Variants in NOG observed in about 807,000 individuals in gnomAD.
NOG encodes the protein noggin.
Under a neutral mutation model 17.9 loss-of-function variants are expected in NOG, and 2 were observed. That is an observed-to-expected ratio of 0.11 (90% CI 0.05 to 0.35). The LOEUF is 0.35. Among genes scored for constraint, NOG ranks in the 10% least tolerant of loss-of-function variants. NOG has a pLI of 1.00. For synonymous variants in NOG, 166 were observed against 148.7 expected, an observed-to-expected ratio of 1.12 and a Z score of -0.85; for missense variants, 266 against 318.6, an observed-to-expected ratio of 0.83 and a Z score of 1.26.
Position 56,594,293 on chromosome 17 carries a change from C to G in NOG, c.70C>G (p.Pro24Ala). ...GGTGGTCCTGGGGCTGCGGGCGACACCGGCCGGCGGCCAGCACTATCTCCA... is the reference window on the plus strand; with the variant it reads ...GGTGGTCCTGGGGCTGCGGGCGACAGCGGCCGGCGGCCAGCACTATCTCCA... The part of the protein sequence containing the change: ...LVVVLGLRAT[P>A]AGGQHYLHIR... Residue 24 changes from proline to alanine, a missense_variant, in exon 1 of 1, where the codon CCG becomes GCG. Transcript: ENST00000332822. 6.2e-7 allele frequency: 1 copy of G among 1,612,480 alleles called. No homozygotes were observed. Among genetic ancestry groups the G allele is most frequent in the Non-Finnish European group, 8.5e-7 (1 of 1,179,640 alleles).
chr17:56,594,372 C>G lies in NOG; in HGVS notation c.149C>G (p.Pro50Arg), dbSNP rs2052467310. ...NLPLVDLIEH[P>R]DPIFDPKEKD... is the part of the protein sequence containing the mutation. ...CCCCTGGTGGACCTCATCGAACACC[C>G]AGACCCTATCTTTGACCCCAAGGAA... is the stretch of plus-strand genomic sequence containing the variant. The change falls in exon 1 of 1, where the codon CCA (proline) becomes CGA (arginine). Residue 50 changes from proline (P) to arginine (R), a missense_variant. Coordinates refer to ENST00000332822, the MANE Select transcript of NOG (RefSeq NM_005450.6). 1 of 1,613,280 alleles carries G rather than the reference C, an allele frequency of 6.2e-7. No homozygotes were observed. The highest frequency in any genetic ancestry group is 1.3e-5 in the African/African-American group (1 of 74,922).
At position 56,594,945 on chromosome 17, in the gene NOG, A is replaced by G; in HGVS notation, c.*23A>G. On this transcript the variant is annotated 3_prime_UTR_variant, in exon 1 of 1. Coordinates refer to ENST00000332822, the MANE Select transcript of NOG (RefSeq NM_005450.6). ...TAGAACTCGGGGGCCCCCTGCCCGC[A>G]CCCGGACACTTGATCGATCCCCACC... 6.5e-7 allele frequency: 1 copy of G among 1,528,424 alleles called. No individual in the cohort carries two copies. The highest frequency in any genetic ancestry group is 8.9e-7 in the Non-Finnish European group (1 of 1,129,244). 94.7% of individuals were successfully genotyped at this position (1,528,424 alleles called of 1,614,324 possible). A position where few individuals can be genotyped will look rare whatever the true frequency, so the allele number is the denominator to read the frequency against.
rs544032242 is a variant in NOG at position 56,594,576 on chromosome 17, G to A, written c.353G>A (p.Ser118Asn). The change falls in exon 1 of 1, where the codon AGC becomes AAC. Residue 118 changes from serine (S) to asparagine (N), a missense_variant. Physicochemically the swap from Ser to Asn is conservative, Grantham distance 46. Transcript: ENST00000332822. ...CAGCGGCCGTCGGGGGCCATGCCGA[G>A]CGAGATCAAAGGGCTAGAGTTCTCC... ...LRQRPSGAMP[S>N]EIKGLEFSEG... 9.4e-6 allele frequency: 15 copies of A among 1,601,858 alleles called. No individual in the cohort carries two copies. Among genetic ancestry groups the A allele is most frequent in the African/African-American group, 9.4e-5 (7 of 74,824 alleles).
chr17:56,594,298 C>G lies in NOG; in HGVS notation c.75C>G (p.Ala25=). The change falls in exon 1 of 1, where the codon GCC becomes GCG. Residue 25 remains alanine (A), a synonymous_variant. Transcript: ENST00000332822. ...TCCTGGGGCTGCGGGCGACACCGGC[C>G]GGCGGCCAGCACTATCTCCACATCC... ...VVVLGLRATP[A]GGQHYLHIRP... The G allele has an allele frequency of 1.2e-6, 2 of 1,612,624 alleles. No homozygotes were observed. Among genetic ancestry groups the G allele is most frequent in the Non-Finnish European group, 1.7e-6 (2 of 1,179,702 alleles).
Position 56,595,057 on chromosome 17 carries a change from T to C in NOG, c.*135T>C, listed in dbSNP as rs913309637. The C allele has an allele frequency of 5.3e-5, 31 of 583,412 alleles. No individual in the cohort carries two copies. Among genetic ancestry groups the C allele is most frequent in the South Asian group, 8.5e-5 (4 of 47,324 alleles). The allele number at this position is 583,412 out of a possible 1,614,324, so 36.1% of individuals were successfully genotyped here. On this transcript the variant is annotated 3_prime_UTR_variant, in exon 1 of 1. Coordinates refer to ENST00000332822, the MANE Select transcript of NOG (RefSeq NM_005450.6). ...TTTTTTTTTTTTTTTTTTTTTTTTT[T>C]CTGGGCTACAGAGACCTAGCTTTCT...
chr17:56,594,989 T>A lies in NOG; in HGVS notation c.*67T>A. 2 of 869,480 alleles carry A rather than the reference T, an allele frequency of 2.3e-6. No homozygotes were observed. The highest frequency in any genetic ancestry group is 1.9e-5 in the African/African-American group (1 of 53,354). 53.9% of individuals were successfully genotyped at this position (869,480 alleles called of 1,614,324 possible). On this transcript the variant is annotated 3_prime_UTR_variant, in exon 1 of 1. Coordinates refer to ENST00000332822, the MANE Select transcript of NOG (RefSeq NM_005450.6). Reference sequence around the variant, plus strand: ...CCCCACCGACGCCCCCTGCACCGCCTCCAACCAGTTCCACCACCCTCTAGC... The same window carrying A: ...CCCCACCGACGCCCCCTGCACCGCCACCAACCAGTTCCACCACCCTCTAGC...
chr17:56,593,721 ACGCCGCCGCCGC>A lies in NOG; in HGVS notation c.-493_-482del, dbSNP rs544678481. 2 of 150,426 alleles carry A rather than the reference ACGCCGCCGCCGC, an allele frequency of 1.3e-5. No homozygotes were observed. The highest frequency in any genetic ancestry group is 3.0e-5 in the African/African-American group (1 of 32,930). The allele number at this position is 150,426 out of a possible 1,614,324, so 9.3% of individuals were successfully genotyped here. A position where few individuals can be genotyped will look rare whatever the true frequency, so the allele number is the denominator to read the frequency against. On this transcript the variant is annotated 5_prime_UTR_variant, in exon 1 of 1. Coordinates refer to ENST00000332822, the MANE Select transcript of NOG (RefSeq NM_005450.6). ...GACAAACCGGTGCCAACGTGCGCGGACGCCGCCGCCGCCGCCGCCGCTGGAGTCCGCCGGGCA... is the reference window on the plus strand; with the variant it reads ...GACAAACCGGTGCCAACGTGCGCGGACGCCGCCGCTGGAGTCCGCCGGGCA...
chr17:56,594,563 G>T lies in NOG; in HGVS notation c.340G>T (p.Gly114Trp). The T allele has an allele frequency of 1.3e-6, 2 of 1,595,420 alleles. No individual in the cohort carries two copies. Among genetic ancestry groups the T allele is most frequent in the East Asian group, 2.3e-5 (1 of 44,144 alleles). The change falls in exon 1 of 1, where the codon GGG becomes TGG. Residue 114 changes from glycine to tryptophan, a missense_variant. Physicochemically the swap from Gly to Trp is radical, Grantham distance 184. Around this residue, in one of 2 missense-constraint regions of NOG, gnomAD observed 192 missense variants for 197.6 expected, o/e 0.97. Coordinates refer to ENST00000332822, the MANE Select transcript of NOG (RefSeq NM_005450.6). ...CCAGCTGCTGCGGCAGCGGCCGTCG[G>T]GGGCCATGCCGAGCGAGATCAAAGG... ...LDQLLRQRPSGAMPSEIKGLE... is the reference protein window; with the variant it reads ...LDQLLRQRPSWAMPSEIKGLE...
rs539891840 is a variant in NOG, at chr17:56,594,475, C to G, written c.252C>G (p.Pro84=). ...YDPGFMATSP[P]EDRPGGGGGA... is the part of the protein sequence containing the mutation. ...CAGGCTTCATGGCCACCTCGCCCCC[C>G]GAGGACCGGCCCGGCGGGGGCGGGG... The change falls in exon 1 of 1, where the codon CCC becomes CCG. Residue 84 remains proline, a synonymous_variant. Transcript: ENST00000332822. 69 of 1,611,786 alleles carry G rather than the reference C, an allele frequency of 4.3e-5. No homozygotes were observed. Among genetic ancestry groups the G allele is most frequent in the Non-Finnish European group, 3.8e-5 (45 of 1,179,226 alleles).
rs528847079 is a variant in NOG at position 56,593,977 on chromosome 17, G to A, written c.-247G>A. The A allele has an allele frequency of 4.2e-5, 18 of 424,732 alleles. No individual in the cohort carries two copies. Among genetic ancestry groups the A allele is most frequent in the Middle Eastern group, 1.2e-3 (2 of 1,658 alleles). 26.3% of individuals were successfully genotyped at this position (424,732 alleles called of 1,614,324 possible). On this transcript the variant is annotated 5_prime_UTR_variant, in exon 1 of 1. Coordinates refer to ENST00000332822, the MANE Select transcript of NOG (RefSeq NM_005450.6). ...CTGGAGTAATTTCGGATGCCCAGCC[G>A]CGGCCGCCTTCCCCAGTAGACCCGG... is the stretch of plus-strand genomic sequence containing the variant.
In NOG at chr17:56,595,423, T is replaced by G. The variant is rs558184389; in HGVS notation, c.*501T>G. 1 of 167,412 alleles carries G rather than the reference T, an allele frequency of 6.0e-6. No homozygotes were observed. The highest frequency in any genetic ancestry group is 2.1e-4 in the South Asian group (1 of 4,826). The allele number at this position is 167,412 out of a possible 1,614,324, so 10.4% of individuals were successfully genotyped here. On this transcript the variant is annotated 3_prime_UTR_variant, in exon 1 of 1. Coordinates refer to ENST00000332822, the MANE Select transcript of NOG (RefSeq NM_005450.6). ...TATTTTCCATTCTTCGGAAAGTGTT[T>G]TGGTTTTCCTTGGACCTCGAAGAAG...
Position 56,594,302 on chromosome 17 carries a change from G to A in NOG, c.79G>A (p.Gly27Ser), listed in dbSNP as rs1173208088. ...VLGLRATPAG[G>S]QHYLHIRPAP... The stretch of plus-strand genomic sequence containing the variant: ...GGGGCTGCGGGCGACACCGGCCGGC[G>A]GCCAGCACTATCTCCACATCCGCCC... The change falls in exon 1 of 1, where the codon GGC becomes AGC. Residue 27 changes from glycine (G) to serine (S), a missense_variant. By Grantham distance (56) the Gly-to-Ser change is moderately conservative (BLOSUM62 0). This residue lies in a region of NOG where 192 missense variants were observed against 197.6 expected (regional missense o/e 0.97). Coordinates refer to ENST00000332822, the MANE Select transcript of NOG (RefSeq NM_005450.6). 2.5e-6 allele frequency: 4 copies of A among 1,612,724 alleles called. No homozygotes were observed. The highest frequency in any genetic ancestry group is 3.4e-6 in the Non-Finnish European group (4 of 1,179,728).
rs2052475405 is a variant in NOG, at chr17:56,595,089, T to C, written c.*167T>C. 5 of 614,602 alleles carry C rather than the reference T, an allele frequency of 8.1e-6. No individual in the cohort carries two copies. Among genetic ancestry groups the C allele is most frequent in the South Asian group, 2.1e-5 (1 of 47,314 alleles). The allele number at this position is 614,602 out of a possible 1,614,324, so 38.1% of individuals were successfully genotyped here. ...TACAGAGACCTAGCTTTCTGGTTCC[T>C]GTAATGCACTGTTTAACTGTGTAGG... is the stretch of plus-strand genomic sequence containing the variant. On this transcript the variant is annotated 3_prime_UTR_variant, in exon 1 of 1. Transcript: ENST00000332822.
chr17:56,595,031 CTTTTTTTT>C lies in NOG; in HGVS notation c.*128_*135del, dbSNP rs71139919. ...CCCTCTAGCGAGGGTTTTCAATGAA[CTTTTTTTT>C]TTTTTTTTTTTTTTTTTTCTGGGCT... On this transcript the variant is annotated 3_prime_UTR_variant, in exon 1 of 1. Coordinates refer to ENST00000332822, the MANE Select transcript of NOG (RefSeq NM_005450.6). The C allele has an allele frequency of 3.1e-4, 113 of 365,044 alleles. No homozygotes were observed. The highest frequency in any genetic ancestry group is 3.0e-3 in the Admixed American group (46 of 15,150). 22.6% of individuals were successfully genotyped at this position (365,044 alleles called of 1,614,324 possible). A position where few individuals can be genotyped will look rare whatever the true frequency, so the allele number is the denominator to read the frequency against.
At position 56,594,450 on chromosome 17, in the gene NOG, C is replaced by T. The variant is rs776472075; in HGVS notation, c.227C>T (p.Pro76Leu). ...LRSLLGGHYD[P>L]GFMATSPPED... ...TCGCTGCTCGGGGGCCACTACGACC[C>T]AGGCTTCATGGCCACCTCGCCCCCC... The change falls in exon 1 of 1, where the codon CCA becomes CTA. Residue 76 changes from proline to leucine, a missense_variant. Pro to Leu is a moderately conservative substitution (Grantham distance 98). This residue lies in a region of NOG where 192 missense variants were observed against 197.6 expected (regional missense o/e 0.97). Coordinates refer to ENST00000332822, the MANE Select transcript of NOG (RefSeq NM_005450.6). 7.4e-6 allele frequency: 12 copies of T among 1,612,824 alleles called. No individual in the cohort carries two copies. Among genetic ancestry groups the T allele is most frequent in the Non-Finnish European group, 9.3e-6 (11 of 1,179,750 alleles).
Position 56,594,841 on chromosome 17 carries a change from C to T in NOG, c.618C>T (p.Arg206=), listed in dbSNP as rs370397639. Residue 206 remains arginine (R), a synonymous_variant, in exon 1 of 1, where the codon CGC becomes CGT. Coordinates refer to ENST00000332822, the MANE Select transcript of NOG (RefSeq NM_005450.6). Reference sequence around the variant, plus strand: ...TGCACCTCACGGTGCTGCGGTGGCGCTGTCAGCGGCGCGGGGGCCAGCGCT... The same window carrying T: ...TGCACCTCACGGTGCTGCGGTGGCGTTGTCAGCGGCGCGGGGGCCAGCGCT... ...KSVHLTVLRW[R]CQRRGGQRCG... 2.4e-5 allele frequency: 38 copies of T among 1,610,606 alleles called. No homozygotes were observed. The highest frequency in any genetic ancestry group is 2.0e-4 in the African/African-American group (15 of 74,822).
Position 56,594,558 on chromosome 17 carries a change from C to G in NOG, c.335C>G (p.Pro112Arg). 1.3e-6 allele frequency: 2 copies of G among 1,593,124 alleles called. No homozygotes were observed. Among genetic ancestry groups the G allele is most frequent in the African/African-American group, 2.7e-5 (2 of 74,660 alleles). ...AELDQLLRQRPSGAMPSEIKG... is the reference protein window; with the variant it reads ...AELDQLLRQRRSGAMPSEIKG... ...CTGGACCAGCTGCTGCGGCAGCGGC[C>G]GTCGGGGGCCATGCCGAGCGAGATC... The change falls in exon 1 of 1, where the codon CCG becomes CGG. Residue 112 changes from proline to arginine, a missense_variant. Coordinates refer to ENST00000332822, the MANE Select transcript of NOG (RefSeq NM_005450.6).
chr17:56,594,916 G>A lies in NOG; in HGVS notation c.693G>A (p.Ser231=). The part of the protein sequence containing the change: ...QYPIISECKC[S]C ...CCATCATTTCCGAGTGCAAGTGCTC[G>A]TGCTAGAACTCGGGGGCCCCCTGCC... The change falls in exon 1 of 1, where the codon TCG becomes TCA. Residue 231 remains serine (S), a synonymous_variant. Transcript: ENST00000332822. 6.4e-7 allele frequency: 1 copy of A among 1,574,386 alleles called. No homozygotes were observed. Among genetic ancestry groups the A allele is most frequent in the Non-Finnish European group, 8.6e-7 (1 of 1,159,540 alleles).
rs1253087476 is a variant in NOG at position 56,594,342 on chromosome 17, A to G, written c.119A>G (p.Asn40Ser). The change falls in exon 1 of 1, where the codon AAC (asparagine) becomes AGC (serine). Residue 40 changes from asparagine (N) to serine (S), a missense_variant. By Grantham distance (46) the Asn-to-Ser change is conservative (BLOSUM62 1). Transcript: ENST00000332822. ...YLHIRPAPSD[N>S]LPLVDLIEHP... ...CACATCCGCCCGGCACCCAGCGACA[A>G]CCTGCCCCTGGTGGACCTCATCGAA... is the stretch of plus-strand genomic sequence containing the variant. 6 of 1,613,076 alleles carry G rather than the reference A, an allele frequency of 3.7e-6. No homozygotes were observed. Among genetic ancestry groups the G allele is most frequent in the East Asian group, 2.2e-5 (1 of 44,858 alleles).
Sources: allele counts gnomAD v4.1 joint callset, GRCh38; gene constraint gnomAD v4.1.1; regional missense constraint gnomAD v4.1.1; transcripts MANE v1.5; gene names NCBI Gene and HGNC (gene_info 2026-07-23, HGNC 2026-07-21).